The following RETREG1 variants were observed in gnomAD, a reference collection of about 807,000 sequenced individuals.
RETREG1 encodes the protein reticulophagy regulator 1.
RETREG1 carries 44 observed loss-of-function variants against 54.8 expected under a neutral mutation model. That is an observed-to-expected ratio of 0.80 (90% CI 0.63 to 1.03). The LOEUF is 1.03. Ranked by LOEUF, RETREG1 falls within the 50% of genes least tolerant of loss-of-function variation. RETREG1 has a pLI of 0.00. For synonymous variants in RETREG1, 217 were observed against 238.5 expected, an observed-to-expected ratio of 0.91 and a Z score of 0.83; for missense variants, 554 against 605.1, an observed-to-expected ratio of 0.92 and a Z score of 0.89.
At position 16,509,073 on chromosome 5, in the gene RETREG1, C is replaced by A. The variant is rs984671640; in HGVS notation, c.459-25601G>T. On this transcript the variant is annotated intron_variant, in intron 3 of 8. Transcript: ENST00000306320. Reference sequence around the variant, plus strand: ...TTTTTTTCTGGCATGACTAGGCACCCACCTAAGGGTGGAGTGGCCACAGGA... The same window carrying A: ...TTTTTTTCTGGCATGACTAGGCACCAACCTAAGGGTGGAGTGGCCACAGGA... 5 of 981,000 alleles carry A rather than the reference C, an allele frequency of 5.1e-6. No individual in the cohort carries two copies. The African/African-American group carries it at 7.1e-5, about 14-fold the overall frequency. The allele number at this position is 981,000 out of a possible 1,614,324, so 60.8% of individuals were successfully genotyped here. A position where few individuals can be genotyped will look rare whatever the true frequency, so the allele number is the denominator to read the frequency against.
chr5:16,508,853 A>C, intron 3 of RETREG1: 1 of 1,398,612 alleles, frequency 7.1e-7, no homozygotes, highest in Non-Finnish European at 9.3e-7. Flanking sequence ...GGTTATTATC[A>C]CTGCCCCCTT....
chr5:16,558,090 T>TA (rs1561119808), intron 3 of RETREG1, among the ~76,000 whole-genome samples: 1 of 151,020 alleles, frequency 6.6e-6, no homozygotes, highest in Non-Finnish European at 1.5e-5. Flanking sequence ...AAAAAATTAA[T>TA]GAAAAAAATA....
At chr5:16,487,306 T>C (rs910808782) in intron 3 of RETREG1, among the ~76,000 whole-genome samples, 3 of 152,114 alleles carry the variant, frequency 2.0e-5, no homozygotes, top group African/African-American at 7.2e-5. Context: ...AGGAAATAGG[T>C]TCTTTGGTTC....
Position 16,475,005 on chromosome 5 carries a change from G to A in RETREG1, c.1230C>T (p.Ser410=), listed in dbSNP as rs374730030. 1 of 1,613,554 alleles carries A rather than the reference G, an allele frequency of 6.2e-7. No individual in the cohort carries two copies. Among genetic ancestry groups the A allele is most frequent in the Non-Finnish European group, 8.5e-7 (1 of 1,179,744 alleles). ...CTGTGATAACATCCCCAGCCAGGTT[G>A]CTCATCAGGTGAAAGGTTTGGTCAC... ...LNSDQTFHLM[S]NLAGDVITAA... The change falls in exon 9 of 9, where the codon AGC becomes AGT. Residue 410 remains serine (S), a synonymous_variant. Transcript: ENST00000306320.
At chr5:16,498,108 A>C in intron 3 of RETREG1, among the ~76,000 whole-genome samples, 1 of 152,242 alleles carries the variant, frequency 6.6e-6, no homozygotes, top group Admixed American at 6.5e-5. Context: ...TCCAAAAGGA[A>C]GTTTTCACAA....
intron 3 of RETREG1, among the ~76,000 whole-genome samples, chr5:16,518,085 C>T (rs114254107): frequency 0.095 from 14,071 of 147,578 alleles, 758 homozygotes; most frequent in Non-Finnish European, 0.11. Context: ...TATCTACATA[C>T]TATGTATATT....
intron 1 of RETREG1, among the ~76,000 whole-genome samples, chr5:16,581,935 C>G (rs1017409978): frequency 1.3e-5 from 2 of 152,150 alleles, no homozygotes; most frequent in Non-Finnish European, 2.9e-5. Context: ...CTGCACTTAT[C>G]AACCCATCAC....
Position 16,616,758 on chromosome 5 carries a change from G to T in RETREG1, c.214C>A (p.Leu72Ile). The stretch of plus-strand genomic sequence containing the variant: ...CCCAGCCACAGCACCGGCTCCCCGA[G>T]CAGCCAGGTTACCGCGGCCGCCGCC... ...GRAAAAVTWL[L>I]GEPVLWLGCR... is the part of the protein sequence containing the mutation. Residue 72 changes from leucine (L) to isoleucine (I), a missense_variant, in exon 1 of 9, where the codon CTC becomes ATC. Transcript: ENST00000306320. 6.4e-7 allele frequency: 1 copy of T among 1,563,842 alleles called. No individual in the cohort carries two copies. The highest frequency in any genetic ancestry group is 1.2e-5 in the South Asian group (1 of 86,762).
Position 16,474,935 on chromosome 5 carries a change from G to T in RETREG1, c.1300C>A (p.Gln434Lys). ...ATGGGGGCAGCCTGAGAAAGTGCTT[G>T]CTGCACACCCTCTAACTGGTCTTTG... is the stretch of plus-strand genomic sequence containing the variant. Reference protein sequence around the residue: ...AIKDQLEGVQQALSQAAPIPE... With the variant: ...AIKDQLEGVQKALSQAAPIPE... The change falls in exon 9 of 9, where the codon CAA becomes AAA. Residue 434 changes from glutamine to lysine, a missense_variant. By Grantham distance (53) the Gln-to-Lys change is moderately conservative. Around this residue, in one of 4 missense-constraint regions of RETREG1, gnomAD observed 347 missense variants for 412.3 expected, o/e 0.84. Coordinates refer to ENST00000306320, the MANE Select transcript of RETREG1 (RefSeq NM_001034850.3). 6.2e-7 allele frequency: 1 copy of T among 1,613,900 alleles called. No homozygotes were observed. The highest frequency in any genetic ancestry group is 1.1e-5 in the South Asian group (1 of 91,078).
At chr5:16,606,541 C>G (rs1471786050) in intron 1 of RETREG1, among the ~76,000 whole-genome samples, 2 of 152,184 alleles carry the variant, frequency 1.3e-5, no homozygotes, top group Non-Finnish European at 2.9e-5. Flanking sequence ...CATGGCCAAA[C>G]CTGGGCAACC....
chr5:16,485,627 GC>G (rs1228724585), intron 3 of RETREG1, among the ~76,000 whole-genome samples: 1 of 152,028 alleles, frequency 6.6e-6, no homozygotes, highest in Non-Finnish European at 1.5e-5. Context: ...TTGTAAAAGA[GC>G]CTAGTATAAT....
chr5:16,516,381 A>G (rs1740356071), intron 3 of RETREG1, among the ~76,000 whole-genome samples: 1 of 152,226 alleles, frequency 6.6e-6, no homozygotes, highest in South Asian at 2.1e-4. Context: ...CACAGAGATC[A>G]AAAACACCTC....
intron 3 of RETREG1, among the ~76,000 whole-genome samples, chr5:16,514,021 A>G (rs1402121992): frequency 1.3e-5 from 2 of 152,254 alleles, no homozygotes; most frequent in East Asian, 3.8e-4. Flanking sequence ...AATTTTAAAT[A>G]TGATTAACAT....
intron 3 of RETREG1, among the ~76,000 whole-genome samples, chr5:16,549,669 G>A (rs1041975020): frequency 1.3e-5 from 2 of 152,152 alleles, no homozygotes; most frequent in African/African-American, 4.8e-5. Flanking sequence ...CTTAGCCCCA[G>A]GGGAACAAAA....
chr5:16,477,838 G>C (rs768105681), intron 7 of RETREG1, 50 bp from the exon 8 acceptor site: 2 of 1,607,496 alleles, frequency 1.2e-6, no homozygotes, highest in East Asian at 2.2e-5. Context: ...CTGCTGAAGG[G>C]AATATTTTGA....
rs1561112818 is a variant in RETREG1 at position 16,541,744 on chromosome 5, GGAA to G, written c.458+24016_458+24018del. On this transcript the variant is annotated intron_variant, in intron 3 of 8. Transcript: ENST00000306320. ...GAAGAGAAGAGAGGGAGGGAGGGAA[GGAA>G]GGAAGGAAGGAAGGAAGGAAGGAAG... is the stretch of plus-strand genomic sequence containing the variant. Among the ~76,000 whole-genome samples the G allele has an allele frequency of 3.3e-3, 148 of 44,502 alleles. 2 individuals carry two copies. The highest frequency in any genetic ancestry group is 0.013 in the African/African-American group (119 of 9,412). The allele number at this position is 44,502 out of a possible 152,430, so 29.2% of individuals were successfully genotyped here.
At chr5:16,551,160 T>C (rs549293032) in intron 3 of RETREG1, among the ~76,000 whole-genome samples, 71 of 152,142 alleles carry the variant, frequency 4.7e-4, no homozygotes, top group Non-Finnish European at 7.8e-4. Context: ...TTTTTCTCCA[T>C]TCATTTACCA....
chr5:16,487,211 A>G (rs1295371414), intron 3 of RETREG1, among the ~76,000 whole-genome samples: 1 of 152,236 alleles, frequency 6.6e-6, no homozygotes, highest in Non-Finnish European at 1.5e-5. Flanking sequence ...ACTGACGCTC[A>G]ACTAAGGGAG....
intron 1 of RETREG1, among the ~76,000 whole-genome samples, chr5:16,592,120 C>G (rs1478411294): frequency 6.6e-6 from 1 of 152,210 alleles, no homozygotes; most frequent in Non-Finnish European, 1.5e-5. Context: ...TCGAGCCAGT[C>G]TTTTAAAAAT....
Sources: gnomAD v4.1 joint callset for allele counts (sites outside exome capture counted in the v4.1 genomes callset) on GRCh38, gnomAD v4.1.1 for gene constraint, gnomAD v4.1.1 regional missense constraint, MANE v1.5 for transcripts, NCBI Gene and HGNC (gene_info 2026-07-23, HGNC 2026-07-21) for gene names.